SLC4A4: variants seen among roughly 807,000 people sequenced by gnomAD.
The protein encoded by SLC4A4 is electrogenic sodium bicarbonate cotransporter 1.
Under a neutral mutation model 111.5 loss-of-function variants are expected in SLC4A4, and 27 were observed. That is an observed-to-expected ratio of 0.24 (90% confidence interval 0.18 to 0.33). The LOEUF is 0.33. Ranked by LOEUF, SLC4A4 falls within the 10% of genes least tolerant of loss-of-function variation. The pLI is 1.00. For synonymous variants in SLC4A4, 443 were observed against 463.4 expected, an observed-to-expected ratio of 0.96 and a Z score of 0.57; for missense variants, 909 against 1,315.5, an observed-to-expected ratio of 0.69 and a Z score of 4.78.
At chr4:71,468,534 A>G (rs1039609913) in intron 13 of SLC4A4, among the ~76,000 whole-genome samples, 1 of 152,042 alleles carries the variant, frequency 6.6e-6, no homozygotes, top group East Asian at 1.9e-4. Context: ...TTGTACATCA[A>G]CAAGAAACAT....
intron 18 of SLC4A4, among the ~76,000 whole-genome samples, chr4:71,540,323 CT>C (rs1734925623): frequency 6.6e-6 from 1 of 152,072 alleles, no homozygotes; most frequent in African/African-American, 2.4e-5. Flanking sequence ...CTGGGCTAGT[CT>C]TTTTCTTTCA....
In SLC4A4 at chr4:71,563,777, T is replaced by C. The variant is rs1184044072; in HGVS notation, c.3100-16T>C. 6.7e-6 allele frequency: 10 copies of C among 1,503,266 alleles called. No individual in the cohort carries two copies. Among genetic ancestry groups the C allele is most frequent in the Non-Finnish European group, 9.3e-6 (10 of 1,080,058 alleles). The allele number at this position is 1,503,266 out of a possible 1,614,324, so 93.1% of individuals were successfully genotyped here. ...AATAAAAACATTCTAAAACCTCTTGTACATTTTTTTCACAGTCTGACTGCC... is the reference window on the plus strand; with the variant it reads ...AATAAAAACATTCTAAAACCTCTTGCACATTTTTTTCACAGTCTGACTGCC... On this transcript the variant is annotated splice_polypyrimidine_tract_variant and intron_variant, in intron 23 of 25. Transcript: ENST00000264485.
intron 2 of SLC4A4, among the ~76,000 whole-genome samples, chr4:71,110,310 G>C (rs569573969): frequency 6.6e-6 from 1 of 152,082 alleles, no homozygotes; most frequent in Non-Finnish European, 1.5e-5. Flanking sequence ...GACATTCCAG[G>C]CTCAAGAGAT....
chr4:71,270,356 CTGGGATTA>C (rs1321805607), intron 3 of SLC4A4, among the ~76,000 whole-genome samples: 2 of 152,182 alleles, frequency 1.3e-5, no homozygotes, highest in African/African-American at 4.8e-5. Flanking sequence ...TCCCAAAGTG[CTGGGATTA>C]CAGGCATGAG....
chr4:71,261,172 C>T (rs2579330), intron 3 of SLC4A4, among the ~76,000 whole-genome samples: 135,352 of 152,216 alleles, frequency 0.89, 61,760 homozygotes, highest in Non-Finnish European at 0.99. Flanking sequence ...TCAGTCTGCA[C>T]GTTGGCTGGC....
chr4:71,103,987 G>C (rs1742838915), intron 2 of SLC4A4, among the ~76,000 whole-genome samples: 1 of 102,770 alleles, frequency 9.7e-6, no homozygotes, highest in South Asian at 4.6e-4. Flanking sequence ...CCAGGAGCTG[G>C]TTTTTTGAAA....
chr4:71,395,074 CAAAAT>C (rs1437553310), intron 6 of SLC4A4, among the ~76,000 whole-genome samples: 8 of 152,128 alleles, frequency 5.3e-5, no homozygotes, highest in African/African-American at 1.7e-4. Context: ...ATGGGAAAAA[CAAAAT>C]AAAATAAAGA....
intron 1 of SLC4A4, among the ~76,000 whole-genome samples, chr4:71,202,458 A>G (rs558370392): frequency 8.0e-4 from 122 of 152,182 alleles, no homozygotes; most frequent in Non-Finnish European, 1.5e-3. Context: ...TTAAGGGACT[A>G]TCTAATTGCA....
At chr4:71,437,091 G>T in intron 7 of SLC4A4, 1 of 437,606 alleles carries the variant, frequency 2.3e-6, no homozygotes. Flanking sequence ...CTTCTTTGTG[G>T]ACTTTTTCCC....
At chr4:71,544,291 G>A (rs1735314510) in intron 18 of SLC4A4, among the ~76,000 whole-genome samples, 1 of 152,030 alleles carries the variant, frequency 6.6e-6, no homozygotes. Flanking sequence ...CTGAGCGAGA[G>A]AAAGAACAAA....
At position 71,401,200 on chromosome 4, in the gene SLC4A4, A is replaced by G. The variant is rs569695172; in HGVS notation, c.807+3547A>G. Among the ~76,000 whole-genome samples, 3 of 152,172 alleles carry G rather than the reference A, an allele frequency of 2.0e-5. No homozygotes were observed. In the South Asian group the frequency reaches 6.2e-4, roughly 32 times the overall value. On this transcript the variant is annotated intron_variant, in intron 7 of 25. Transcript: ENST00000264485. ...AGAATTTGAGGGCATATTTTTTATGAGATTCTGTTTTGGGAAAACAGAAGA... is the reference window on the plus strand; with the variant it reads ...AGAATTTGAGGGCATATTTTTTATGGGATTCTGTTTTGGGAAAACAGAAGA...
chr4:71,351,180 G>A (rs1274433579), intron 5 of SLC4A4, among the ~76,000 whole-genome samples: 1 of 152,186 alleles, frequency 6.6e-6, no homozygotes, highest in African/African-American at 2.4e-5. Context: ...TGATGGTGGT[G>A]ATACAAATGA....
intron 2 of SLC4A4, among the ~76,000 whole-genome samples, chr4:71,144,931 C>A (rs1356971229): frequency 2.6e-5 from 4 of 151,988 alleles, no homozygotes; most frequent in African/African-American, 9.7e-5. Context: ...TAATTGAATG[C>A]CCTTTATTTC....
intron 7 of SLC4A4, among the ~76,000 whole-genome samples, chr4:71,424,760 A>G (rs894915919): frequency 2.0e-5 from 3 of 152,034 alleles, no homozygotes; most frequent in South Asian, 2.1e-4. Context: ...CAAACACCGC[A>G]TATTCTCACT....
At chr4:71,086,858 A>G (rs1172801994) in intron 1 of SLC4A4, among the ~76,000 whole-genome samples, 1 of 151,962 alleles carries the variant, frequency 6.6e-6, no homozygotes, top group Non-Finnish European at 1.5e-5. Flanking sequence ...ATATTGGTCT[A>G]AAATTCTCTT....
At chr4:71,233,246 T>C (rs942409331) in intron 1 of SLC4A4, 2 of 984,346 alleles carry the variant, frequency 2.0e-6, no homozygotes, top group Non-Finnish European at 1.2e-6. Flanking sequence ...ATTTACTGAA[T>C]GAATGAATGC....
At chr4:71,463,839 C>T (rs921276627) in intron 12 of SLC4A4, among the ~76,000 whole-genome samples, 1 of 152,004 alleles carries the variant, frequency 6.6e-6, no homozygotes. Flanking sequence ...GCCAGAAGAC[C>T]CTGTTCTTAT....
intron 16 of SLC4A4, among the ~76,000 whole-genome samples, chr4:71,504,971 C>T (rs1731269895): frequency 2.6e-5 from 4 of 152,116 alleles, no homozygotes; most frequent in Admixed American, 2.6e-4. Context: ...TAAGTGAGAA[C>T]ATGTGGTATT....
intron 12 of SLC4A4, 44 bp downstream of exon 12, chr4:71,453,713 T>C: frequency 1.3e-6 from 2 of 1,588,024 alleles, no homozygotes; most frequent in Non-Finnish European, 1.7e-6. Flanking sequence ...CAGCCCAGAT[T>C]GCCTTCCTCA....
Sources: gnomAD v4.1 joint callset for allele counts (sites outside exome capture counted in the v4.1 genomes callset) on GRCh38, gnomAD v4.1.1 for gene constraint, MANE v1.5 for transcripts, NCBI Gene and HGNC (gene_info 2026-07-23, HGNC 2026-07-21) for gene names.